FRMPD4: variants seen among roughly 807,000 people sequenced by gnomAD.
FRMPD4 encodes FERM and PDZ domain-containing protein 4.
Under a neutral mutation model 94.1 loss-of-function variants are expected in FRMPD4, and 22 were observed. The observed-to-expected ratio is 0.23, with a 90% confidence interval of 0.17 to 0.33. FRMPD4 has a LOEUF of 0.33. FRMPD4 is among the 10% of genes least tolerant of loss of function. The pLI, the probability that FRMPD4 is intolerant of heterozygous loss-of-function variation, is 1.00. For synonymous variants in FRMPD4, 631 were observed against 548.6 expected, an observed-to-expected ratio of 1.15 and a Z score of -2.10; for missense variants, 1,111 against 1,339.9, an observed-to-expected ratio of 0.83 and a Z score of 2.67.
intron 1 of FRMPD4, among the ~76,000 whole-genome samples, chrX:11,833,824 C>T (rs2053487827): frequency 9.0e-6 from 1 of 111,411 alleles, no homozygotes; most frequent in Admixed American, 9.6e-5. Context: ...AGAAGTGAAG[C>T]CTCACTGCAG....
chrX:11,969,036 A>G (rs1297604643), intron 3 of FRMPD4, among the ~76,000 whole-genome samples: 1 of 112,451 alleles, frequency 8.9e-6, no homozygotes, highest in Non-Finnish European at 1.9e-5. Context: ...TCACTTCCAG[A>G]TGATTACTGA....
At chrX:12,080,152 C>T (rs1021583521) in intron 3 of FRMPD4, among the ~76,000 whole-genome samples, 1 of 111,980 alleles carries the variant, frequency 8.9e-6, no homozygotes, top group Non-Finnish European at 1.9e-5. Context: ...TCCACTTTTC[C>T]CTCCATAATA....
chrX:12,231,029 A>ATATATATATATAT (rs1569199737), intron 1 of FRMPD4, among the ~76,000 whole-genome samples: 2 of 40,673 alleles, frequency 4.9e-5, no homozygotes, highest in African/African-American at 1.9e-4. Flanking sequence ...GTATATATAT[A>ATATATATATATAT]GTATATATAT....
intron 1 of FRMPD4, among the ~76,000 whole-genome samples, chrX:11,844,298 G>A (rs965131707): frequency 5.4e-5 from 6 of 110,689 alleles, no homozygotes; most frequent in African/African-American, 2.0e-4. Flanking sequence ...CACCCGGCCT[G>A]ATAGTTATGA....
At chrX:12,459,111 GGTAAATTTCTGCCC>G (rs1184061094) in intron 1 of FRMPD4, among the ~76,000 whole-genome samples, 1 of 111,352 alleles carries the variant, frequency 9.0e-6, no homozygotes, top group Non-Finnish European at 1.9e-5. Context: ...CTTCTTTTCA[GGTAAATTTCTGCCC>G]ATTTGGTGTT....
chrX:12,566,352 T>G (rs976732768), intron 2 of FRMPD4, among the ~76,000 whole-genome samples: 1 of 111,632 alleles, frequency 9.0e-6, no homozygotes, highest in East Asian at 2.8e-4. Flanking sequence ...GACTCAAGTC[T>G]TCCAGTCAAT....
intron 1 of FRMPD4, among the ~76,000 whole-genome samples, chrX:12,496,023 A>G (rs1015924366): frequency 2.7e-5 from 3 of 112,025 alleles, no homozygotes; most frequent in Non-Finnish European, 5.6e-5. Flanking sequence ...TGCATTTCTA[A>G]CAAACCACAA....
At chrX:12,445,968 T>G (rs771003564) in intron 1 of FRMPD4, among the ~76,000 whole-genome samples, 5 of 112,562 alleles carry the variant, frequency 4.4e-5, no homozygotes, top group Non-Finnish European at 9.4e-5. Flanking sequence ...ATCTATTGTT[T>G]ACAAAATGAG....
intron 1 of FRMPD4, among the ~76,000 whole-genome samples, chrX:12,230,953 G>GTA (rs1426186707): frequency 1.2e-4 from 8 of 66,507 alleles, no homozygotes; most frequent in African/African-American, 4.6e-4. Context: ...TAGTAATATA[G>GTA]TATATATAGT....
intron 3 of FRMPD4, among the ~76,000 whole-genome samples, chrX:12,018,409 T>G (rs1307843742): frequency 9.0e-6 from 1 of 110,540 alleles, no homozygotes; most frequent in Non-Finnish European, 1.9e-5. Context: ...TTCTTTTTTT[T>G]TGTTTTTTTG....
chrX:11,954,789 G>A (rs2147368234), intron 3 of FRMPD4, among the ~76,000 whole-genome samples: 1 of 109,685 alleles, frequency 9.1e-6, no homozygotes, highest in African/African-American at 3.3e-5. Flanking sequence ...TAAATTGATG[G>A]TAGAAACTGC....
chrX:12,300,005 A>G (rs1429218907), intron 1 of FRMPD4, among the ~76,000 whole-genome samples: 1 of 112,342 alleles, frequency 8.9e-6, no homozygotes, highest in East Asian at 2.8e-4. Context: ...AGTTAAGGAA[A>G]TCACGTGAAA....
chrX:12,647,450 G>A (rs1400608643), intron 4 of FRMPD4, among the ~76,000 whole-genome samples: 1 of 111,422 alleles, frequency 9.0e-6, no homozygotes, highest in Non-Finnish European at 1.9e-5. Context: ...TCTAATTCTT[G>A]TCAGGTATTG....
intron 1 of FRMPD4, among the ~76,000 whole-genome samples, chrX:12,205,167 T>C (rs1175940692): frequency 1.8e-5 from 2 of 108,702 alleles, no homozygotes; most frequent in African/African-American, 6.7e-5. Flanking sequence ...TTGAAGCCCA[T>C]GAAGCCTGTT....
At chrX:12,711,226 C>T in intron 14 of FRMPD4, among the ~76,000 whole-genome samples, 1 of 111,809 alleles carries the variant, frequency 8.9e-6, no homozygotes, top group South Asian at 3.8e-4. Context: ...GGGCTGGTCT[C>T]TCCTGATGGT....
chrX:12,390,546 C>G (rs1460173008), intron 1 of FRMPD4, among the ~76,000 whole-genome samples: 1 of 103,901 alleles, frequency 9.6e-6, no homozygotes, highest in Non-Finnish European at 2.0e-5. Context: ...CTCCATCACC[C>G]TTGAATGGCA....
intron 1 of FRMPD4, among the ~76,000 whole-genome samples, chrX:12,317,536 GC>G (rs2055137220): frequency 1.0e-5 from 1 of 97,938 alleles, no homozygotes; most frequent in Non-Finnish European, 2.0e-5. Flanking sequence ...TATTCATCCA[GC>G]AAGGGATTAA....
intron 1 of FRMPD4, among the ~76,000 whole-genome samples, chrX:12,233,917 C>T (rs2057041046): frequency 8.9e-6 from 1 of 111,949 alleles, no homozygotes; most frequent in Admixed American, 9.5e-5. Context: ...ATTAAGTTGC[C>T]TCCTCCAAGG....
intron 2 of FRMPD4, among the ~76,000 whole-genome samples, chrX:12,541,497 G>T (rs1358521765): frequency 8.9e-6 from 1 of 111,988 alleles, no homozygotes; most frequent in East Asian, 2.8e-4. Context: ...TAGAAGAAAT[G>T]GATAAATTCC....
Sources: allele counts gnomAD v4.1 joint callset (sites outside exome capture counted in the v4.1 genomes callset), GRCh38; gene constraint gnomAD v4.1.1; transcripts MANE v1.5; gene names NCBI Gene and HGNC (gene_info 2026-07-23, HGNC 2026-07-21).